The following CCN4 variants were observed in gnomAD, a reference collection of about 807,000 sequenced individuals.
CCN4 encodes the protein CCN family member 4.
A neutral mutation model predicts 36.7 loss-of-function variants in CCN4; 30 were observed. The ratio of observed to expected loss-of-function variants is 0.82; its 90% CI spans 0.61 to 1.11. CCN4 has a LOEUF of 1.11. Ranked by LOEUF, CCN4 falls within the 50% of genes least tolerant of loss-of-function variation. The probability of loss-of-function intolerance (pLI) is 0.00; values close to 1 mark genes in which losing one functional copy is unlikely to be tolerated. For missense variants in CCN4, 505 were observed against 504.9 expected, an observed-to-expected ratio of 1.00 and a Z score of 0.00; for synonymous variants, 191 against 195.4, an observed-to-expected ratio of 0.98 and a Z score of 0.19.
intron 1 of CCN4, among the ~76,000 whole-genome samples, chr8:133,212,132 T>C (rs1351652240): frequency 1.3e-5 from 2 of 151,576 alleles, no homozygotes; most frequent in African/African-American, 2.4e-5. Context: ...GGAGTGCGGG[T>C]TGGTAGAGTG....
chr8:133,205,414 T>C (rs981757129), intron 1 of CCN4, among the ~76,000 whole-genome samples: 1 of 152,194 alleles, frequency 6.6e-6, no homozygotes, highest in Non-Finnish European at 1.5e-5. Flanking sequence ...TAGACAACAC[T>C]CTCCTTGACT....
chr8:133,206,292 G>A (rs10096779), intron 1 of CCN4, among the ~76,000 whole-genome samples: 2,708 of 152,272 alleles, frequency 0.018, 79 homozygotes, highest in African/African-American at 0.06. Flanking sequence ...TCCCCATCAT[G>A]ACAGACCTGG....
chr8:133,196,119 T>G (rs960896707), intron 1 of CCN4, among the ~76,000 whole-genome samples: 1 of 152,208 alleles, frequency 6.6e-6, no homozygotes, highest in African/African-American at 2.4e-5. Flanking sequence ...CCTGCATCCC[T>G]GTGATGTGGA....
chr8:133,204,863 T>C (rs1045890800), intron 1 of CCN4, among the ~76,000 whole-genome samples: 5 of 152,220 alleles, frequency 3.3e-5, no homozygotes, highest in African/African-American at 1.2e-4. Context: ...CTGAGGAATC[T>C]GTATTTTAAC....
At chr8:133,208,298 C>T (rs1379775406) in intron 1 of CCN4, among the ~76,000 whole-genome samples, 1 of 152,158 alleles carries the variant, frequency 6.6e-6, no homozygotes. Context: ...ATGCTCACTT[C>T]CAGTCACTTG....
chr8:133,203,046 G>T (rs1853645015), intron 1 of CCN4, among the ~76,000 whole-genome samples: 1 of 152,220 alleles, frequency 6.6e-6, no homozygotes, highest in African/African-American at 2.4e-5. Context: ...AGCTAGGGCC[G>T]GCTCCGGCCA....
chr8:133,213,832 A>T (rs79384606), intron 2 of CCN4, among the ~76,000 whole-genome samples: 2,183 of 135,946 alleles, frequency 0.016, 21 homozygotes, highest in African/African-American at 0.022. Context: ...ATAGTAGTTA[A>T]ATATACTATA....
chr8:133,193,030 G>A (rs533230800), intron 1 of CCN4, among the ~76,000 whole-genome samples: 27 of 152,208 alleles, frequency 1.8e-4, no homozygotes, highest in Non-Finnish European at 3.5e-4. Flanking sequence ...AGATGCTTCT[G>A]GGACAGAGGT....
chr8:133,205,841 A>G (rs1419095548), intron 1 of CCN4, among the ~76,000 whole-genome samples: 1 of 152,152 alleles, frequency 6.6e-6, no homozygotes, highest in East Asian at 1.9e-4. Flanking sequence ...CTGCAAAAAG[A>G]TTCCTCTAAA....
At chr8:133,195,778 C>T (rs1406970788) in intron 1 of CCN4, among the ~76,000 whole-genome samples, 1 of 152,234 alleles carries the variant, frequency 6.6e-6, no homozygotes, top group African/African-American at 2.4e-5. Flanking sequence ...ACCAACCACC[C>T]CCAGGTTTTA....
intron 1 of CCN4, among the ~76,000 whole-genome samples, chr8:133,193,174 C>T (rs2130511414): frequency 6.6e-6 from 1 of 152,352 alleles, no homozygotes; most frequent in South Asian, 2.1e-4. Context: ...CATGGTCATC[C>T]TCCCGAATTA....
intron 3 of CCN4, among the ~76,000 whole-genome samples, chr8:133,223,215 G>A (rs1299967546): frequency 6.6e-6 from 1 of 152,098 alleles, no homozygotes; most frequent in Non-Finnish European, 1.5e-5. Flanking sequence ...GGTCACGGGG[G>A]GAGCAGGGAG....
intron 1 of CCN4, among the ~76,000 whole-genome samples, chr8:133,194,978 T>TA (rs1395760971): frequency 1.4e-5 from 2 of 140,500 alleles, no homozygotes; most frequent in East Asian, 4.4e-4. Context: ...GGTGTGTGTG[T>TA]TGAGTGTGTA....
chr8:133,220,548 C>T, intron 2 of CCN4, 33 bp from the exon 3 acceptor site: 1 of 1,599,932 alleles, frequency 6.3e-7, no homozygotes, highest in Middle Eastern at 1.7e-4. Context: ...GGCACCAAGG[C>T]CACTGGGCCT....
In CCN4 at chr8:133,231,282, G is replaced by A. The variant is rs1339144079; in HGVS notation, c.*3572G>A. On this transcript the variant is annotated 3_prime_UTR_variant, in exon 5 of 5. Coordinates refer to ENST00000250160, the MANE Select transcript of CCN4 (RefSeq NM_003882.4). ...GTCACAATGATAACCCTGCATATCTGGGAATCATAAGTCAACTATGTATCC... is the reference window on the plus strand; with the variant it reads ...GTCACAATGATAACCCTGCATATCTAGGAATCATAAGTCAACTATGTATCC... 6.6e-6 allele frequency: 1 copy of A among 152,052 alleles called. No individual in the cohort carries two copies. Among genetic ancestry groups the A allele is most frequent in the East Asian group, 1.9e-4 (1 of 5,190 alleles). 9.4% of individuals were successfully genotyped at this position (152,052 alleles called of 1,614,324 possible).
At position 133,191,657 on chromosome 8, in the gene CCN4, C is replaced by T. The variant is rs1014692998; in HGVS notation, c.69+444C>T. Among the ~76,000 whole-genome samples the T allele has an allele frequency of 2.6e-5, 4 of 152,096 alleles. No homozygotes were observed. The East Asian group carries it at 7.7e-4, about 29-fold the overall frequency. On this transcript the variant is annotated intron_variant, in intron 1 of 4. Coordinates refer to ENST00000250160, the MANE Select transcript of CCN4 (RefSeq NM_003882.4). ...AGTTTGAAAACTCCAAGACTCCAAG[C>T]ATTGGAGATGCTGCGAAGATGGGAG...
At position 133,225,600 on chromosome 8, in the gene CCN4, T is replaced by A; in HGVS notation, c.804+17T>A. ...CTCATTAAGGTGGGTCCAGAGCAGG[T>A]GTGGATGTCTAGACTTCACAAGCAG... On this transcript the variant is annotated intron_variant, in intron 4 of 4. Transcript: ENST00000250160. 1.3e-6 allele frequency: 2 copies of A among 1,552,088 alleles called. No homozygotes were observed. The highest frequency in any genetic ancestry group is 1.8e-6 in the Non-Finnish European group (2 of 1,141,180).
chr8:133,222,959 A>G (rs753249386), intron 3 of CCN4, among the ~76,000 whole-genome samples: 1 of 151,982 alleles, frequency 6.6e-6, no homozygotes, highest in Non-Finnish European at 1.5e-5. Context: ...ATGCATGACT[A>G]CTAAATCCCA....
At chr8:133,194,308 T>TG (rs1439666136) in intron 1 of CCN4, among the ~76,000 whole-genome samples, 25 of 96,170 alleles carry the variant, frequency 2.6e-4, no homozygotes, top group Admixed American at 1.8e-3. Context: ...GTGTGTGTGG[T>TG]GTGTGTGTGT....
Sources: allele counts gnomAD v4.1 joint callset (sites outside exome capture counted in the v4.1 genomes callset), GRCh38; gene constraint gnomAD v4.1.1; transcripts MANE v1.5; gene names NCBI Gene and HGNC (gene_info 2026-07-23, HGNC 2026-07-21).